MAEL: variants seen among roughly 807,000 people sequenced by gnomAD.
MAEL encodes maelstrom spermatogenic transposon silencer.
Under a neutral mutation model 62.0 loss-of-function variants are expected in MAEL, and 46 were observed. The observed-to-expected ratio is 0.74, with a 90% CI of 0.59 to 0.95. MAEL has a LOEUF of 0.95. Ranked by LOEUF, MAEL falls within the 40% of genes least tolerant of loss-of-function variation. The pLI is 0.00. For missense variants in MAEL, 497 were observed against 526.8 expected (o/e 0.94, Z 0.55); for synonymous variants, 172 against 175.5 (o/e 0.98, Z 0.16).
At chr1:167,009,835 T>C (rs551706102) in intron 8 of MAEL, among the ~76,000 whole-genome samples, 10 of 152,224 alleles carry the variant, frequency 6.6e-5, no homozygotes, top group Admixed American at 4.6e-4. Context: ...TTTTCTGTAA[T>C]GTTTTTGTCT....
chr1:166,989,203 G>T (rs1278609478), upstream of MAEL: 4 of 1,034,484 alleles, frequency 3.9e-6, no homozygotes, highest in African/African-American at 6.4e-5. Flanking sequence ...TTGTTCCCCC[G>T]CGGGGCAATG....
chr1:167,012,526 T>C (rs1051353412), intron 8 of MAEL: 1 of 152,220 alleles, frequency 6.6e-6, no homozygotes, highest in African/African-American at 2.4e-5. Context: ...GCAGAATTAA[T>C]GTGGTCCCTG....
intron 8 of MAEL, among the ~76,000 whole-genome samples, chr1:167,007,084 T>C (rs980285745): frequency 6.6e-6 from 1 of 152,148 alleles, no homozygotes; most frequent in African/African-American, 2.4e-5. Flanking sequence ...AAGGTGATTT[T>C]TCTAATTTGA....
chr1:167,011,432 A>G (rs1665169331), intron 8 of MAEL, among the ~76,000 whole-genome samples: 1 of 152,198 alleles, frequency 6.6e-6, no homozygotes, highest in South Asian at 2.1e-4. Context: ...CCTCAGTTAC[A>G]GGCTGAAGTA....
chr1:166,978,492 G>A (rs1663661646), intron 1 of MAEL, among the ~76,000 whole-genome samples: 1 of 152,128 alleles, frequency 6.6e-6, no homozygotes, highest in Non-Finnish European at 1.5e-5. Flanking sequence ...ATGGGATATG[G>A]CACCCAGAGT....
intron 1 of MAEL, among the ~76,000 whole-genome samples, chr1:166,980,407 C>A (rs1663725325): frequency 6.6e-6 from 1 of 152,148 alleles, no homozygotes; most frequent in East Asian, 1.9e-4. Context: ...AAAATTTACT[C>A]ATTGTGAATT....
chr1:166,998,788 A>G (rs780863628), intron 5 of MAEL, among the ~76,000 whole-genome samples: 8 of 152,022 alleles, frequency 5.3e-5, no homozygotes, highest in African/African-American at 9.7e-5. Flanking sequence ...GAGCAAGTCT[A>G]TTGGCATCAT....
chr1:166,987,811 A>G (rs1357548195), upstream of MAEL, among the ~76,000 whole-genome samples: 3 of 152,210 alleles, frequency 2.0e-5, no homozygotes, highest in African/African-American at 7.2e-5. Flanking sequence ...GAGTTTTACT[A>G]ATAAGCTCTA....
chr1:166,990,322 CA>C (rs1306566589), intron 2 of MAEL: 1 of 153,556 alleles, frequency 6.5e-6, no homozygotes, highest in Non-Finnish European at 1.4e-5. Context: ...ATTGAAATAA[CA>C]AGACTTGGAT....
At chr1:166,994,919 C>G (rs915955526) in intron 5 of MAEL, among the ~76,000 whole-genome samples, 1 of 150,144 alleles carries the variant, frequency 6.7e-6, no homozygotes, top group Admixed American at 6.6e-5. Context: ...CCGCCCACAT[C>G]GGTCTCCCAA....
chr1:167,012,926 C>T (rs1665231261), intron 8 of MAEL, among the ~76,000 whole-genome samples: 1 of 152,012 alleles, frequency 6.6e-6, no homozygotes, highest in Admixed American at 6.6e-5. Flanking sequence ...AAGTTTTAAA[C>T]GTGCAAGAAC....
At chr1:166,982,798 C>T (rs1324134747) in intron 1 of MAEL, among the ~76,000 whole-genome samples, 1 of 152,122 alleles carries the variant, frequency 6.6e-6, no homozygotes, top group Admixed American at 6.5e-5. Context: ...TCTACTTTCC[C>T]CCTCACTCAC....
At chr1:166,999,831 A>C (rs1664585825) in intron 5 of MAEL, among the ~76,000 whole-genome samples, 1 of 152,186 alleles carries the variant, frequency 6.6e-6, no homozygotes, top group Non-Finnish European at 1.5e-5. Flanking sequence ...AAAATCTTAG[A>C]GCTCTTAGGA....
intron 1 of MAEL, among the ~76,000 whole-genome samples, chr1:166,978,772 C>T (rs1180395820): frequency 6.6e-6 from 1 of 152,148 alleles, no homozygotes; most frequent in Non-Finnish European, 1.5e-5. Context: ...TTCATTCTGA[C>T]CTAATAGGAC....
chr1:167,000,383 A>G (rs1194102626), intron 5 of MAEL, among the ~76,000 whole-genome samples: 1 of 152,220 alleles, frequency 6.6e-6, no homozygotes, highest in Non-Finnish European at 1.5e-5. Flanking sequence ...GAGAACTAGA[A>G]TTAGAAATGG....
At chr1:166,981,764 T>C (rs577795910) in intron 1 of MAEL, among the ~76,000 whole-genome samples, 1 of 152,170 alleles carries the variant, frequency 6.6e-6, no homozygotes, top group South Asian at 2.1e-4. Flanking sequence ...GCCCAGAGCA[T>C]AGGTTTACAA....
intron 1 of MAEL, among the ~76,000 whole-genome samples, chr1:166,976,526 AAGTT>A (rs1290206417): frequency 4.6e-5 from 7 of 152,168 alleles, no homozygotes; most frequent in Admixed American, 2.0e-4. Flanking sequence ...AGGAAGGACT[AAGTT>A]AGTCGTGGGT....
Position 166,992,728 on chromosome 1 carries a change from A to G in MAEL, c.368A>G (p.His123Arg). Residue 123 changes from histidine (H) to arginine (R), a missense_variant, in exon 4 of 12, where the codon CAT becomes CGT. Transcript: ENST00000367872. ...TTTTATTTTTTGAACATTTTTAGCC[A>G]TGGCGAGCTACCTCCTCATTGTGAA... ...GIFYFLNIFS[H>R]GELPPHCEQR... 1 of 1,604,640 alleles carries G rather than the reference A, an allele frequency of 6.2e-7. No homozygotes were observed. Among genetic ancestry groups the G allele is most frequent in the Non-Finnish European group, 8.5e-7 (1 of 1,177,288 alleles).
chr1:167,003,526 A>C (rs1664764449), intron 5 of MAEL, among the ~76,000 whole-genome samples: 1 of 152,192 alleles, frequency 6.6e-6, no homozygotes, highest in Non-Finnish European at 1.5e-5. Flanking sequence ...GGGGGCCTAG[A>C]AGGCCAGGCC....
Sources: gnomAD v4.1 joint callset for allele counts (sites outside exome capture counted in the v4.1 genomes callset) on GRCh38, gnomAD v4.1.1 for gene constraint, MANE v1.5 for transcripts, NCBI Gene and HGNC (gene_info 2026-07-23, HGNC 2026-07-21) for gene names.